Variants in LRRC4C observed in about 807,000 individuals in gnomAD.
LRRC4C encodes leucine-rich repeat-containing protein 4C.
LRRC4C carries 5 observed loss-of-function variants against 33.6 expected under a neutral mutation model. The ratio of observed to expected loss-of-function variants is 0.15; its 90% confidence interval spans 0.08 to 0.31. The LOEUF (loss-of-function observed/expected upper bound fraction) is 0.31, where lower values mean the gene tolerates loss of function less well. Ranked by LOEUF, LRRC4C falls within the 10% of genes least tolerant of loss-of-function variation. The probability of loss-of-function intolerance (pLI) is 1.00; values close to 1 mark genes in which losing one functional copy is unlikely to be tolerated. For synonymous variants in LRRC4C, 329 were observed against 302.0 expected, an observed-to-expected ratio of 1.09 and a Z score of -0.93; for missense variants, 560 against 796.7, an observed-to-expected ratio of 0.70 and a Z score of 3.58.
At chr11:40,731,182 G>C (rs2136784838) in intron 2 of LRRC4C, among the ~76,000 whole-genome samples, 1 of 151,880 alleles carries the variant, frequency 6.6e-6, no homozygotes, top group Middle Eastern at 3.4e-3. Context: ...AGCCGGGCGT[G>C]GTGGCAAGTG....
At chr11:40,427,242 G>A (rs755120373) in intron 3 of LRRC4C, among the ~76,000 whole-genome samples, 2 of 152,094 alleles carry the variant, frequency 1.3e-5, no homozygotes, top group Non-Finnish European at 2.9e-5. Context: ...GGTGGCTCAC[G>A]CCTGTAATCC....
intron 1 of LRRC4C, among the ~76,000 whole-genome samples, chr11:41,031,923 G>T (rs1039423071): frequency 9.2e-5 from 14 of 151,966 alleles, no homozygotes; most frequent in African/African-American, 3.4e-4. Flanking sequence ...GTTGTACTGT[G>T]ATAACTTTGG....
intron 2 of LRRC4C, among the ~76,000 whole-genome samples, chr11:40,733,050 T>TCATCCAAAC (rs1190563778): frequency 6.9e-6 from 1 of 145,770 alleles, no homozygotes; most frequent in Non-Finnish European, 1.5e-5. Context: ...CCAAAACCAG[T>TCATCCAAAC]TATGAATATA....
chr11:40,715,130 G>T (rs917945912), intron 2 of LRRC4C, among the ~76,000 whole-genome samples: 1 of 152,082 alleles, frequency 6.6e-6, no homozygotes, highest in Non-Finnish European at 1.5e-5. Flanking sequence ...ATATCAAAAT[G>T]TAGTGAAAAG....
intron 3 of LRRC4C, among the ~76,000 whole-genome samples, chr11:40,455,270 G>T (rs2138126336): frequency 6.6e-6 from 1 of 152,280 alleles, no homozygotes; most frequent in East Asian, 1.9e-4. Context: ...TACAAAACGA[G>T]GTGCTCACTA....
At chr11:41,382,428 A>C (rs1412397289) in intron 1 of LRRC4C, among the ~76,000 whole-genome samples, 1 of 152,156 alleles carries the variant, frequency 6.6e-6, no homozygotes, top group African/African-American at 2.4e-5. Context: ...TAATATAAAC[A>C]GATTATCACT....
Position 40,336,964 on chromosome 11 carries a change from G to A in LRRC4C, c.-269-17243C>T, listed in dbSNP as rs1180997577. ...TGCACTCCAGCCTGGGGGACAGAGCGAGACTTCGTCTCAAAAAAAAAAAAA... is the reference window on the plus strand; with the variant it reads ...TGCACTCCAGCCTGGGGGACAGAGCAAGACTTCGTCTCAAAAAAAAAAAAA... On this transcript the variant is annotated intron_variant, in intron 3 of 6. Transcript: ENST00000528697. Among the ~76,000 whole-genome samples, 40 of 121,316 alleles carry A rather than the reference G, an allele frequency of 3.3e-4. No homozygotes were observed. The Admixed American group carries it at 3.8e-3, about 11-fold the overall frequency. 79.6% of individuals were successfully genotyped at this position (121,316 alleles called of 152,430 possible).
chr11:41,109,817 C>T lies in LRRC4C; in HGVS notation c.-495-176094G>A, dbSNP rs190744514. ...CTTCTAGACCTAACTCAAAGTAACC[C>T]TTTGATTAATCTCTTTAAGAGCATC... On this transcript the variant is annotated intron_variant, in intron 1 of 6. Coordinates refer to ENST00000528697, the MANE Select transcript of LRRC4C (RefSeq NM_001258419.2). Among the ~76,000 whole-genome samples the T allele has an allele frequency of 3.1e-3, 469 of 152,140 alleles. 3 individuals carry two copies. Among genetic ancestry groups the T allele is most frequent in the South Asian group, 8.7e-3 (42 of 4,826 alleles).
chr11:41,284,729 A>G (rs1411383008), intron 1 of LRRC4C, among the ~76,000 whole-genome samples: 1 of 152,184 alleles, frequency 6.6e-6, no homozygotes, highest in African/African-American at 2.4e-5. Flanking sequence ...AGGGCATGTG[A>G]CTGGATTCCT....
intron 1 of LRRC4C, among the ~76,000 whole-genome samples, chr11:41,021,200 AGAGAGAGAGAGAGAGTGTGT>A (rs1201530944): frequency 1.5e-4 from 5 of 33,084 alleles, no homozygotes; most frequent in African/African-American, 2.9e-4. Flanking sequence ...AGAGAGAGAG[AGAGAGAGAGAGAGAGTGTGT>A]GTGTGTGTGT....
intron 2 of LRRC4C, among the ~76,000 whole-genome samples, chr11:40,807,556 A>G (rs1284112212): frequency 6.6e-6 from 1 of 152,236 alleles, no homozygotes; most frequent in African/African-American, 2.4e-5. Context: ...AGAAGCCTTG[A>G]AGACTGTGCC....
intron 5 of LRRC4C, among the ~76,000 whole-genome samples, chr11:40,142,528 T>C (rs988221550): frequency 3.9e-5 from 6 of 152,154 alleles, no homozygotes; most frequent in African/African-American, 1.4e-4. Flanking sequence ...AATTTTCATA[T>C]TAGGCAAAAA....
chr11:40,306,740 T>G (rs1196256749), intron 4 of LRRC4C, among the ~76,000 whole-genome samples: 1 of 152,194 alleles, frequency 6.6e-6, no homozygotes, highest in Non-Finnish European at 1.5e-5. Flanking sequence ...GCTCCAATGA[T>G]TGCCACGCCC....
At chr11:40,286,931 C>A (rs1943882798) in intron 4 of LRRC4C, among the ~76,000 whole-genome samples, 1 of 152,062 alleles carries the variant, frequency 6.6e-6, no homozygotes, top group African/African-American at 2.4e-5. Flanking sequence ...ACAATTCTGC[C>A]TTTCTCACTG....
intron 5 of LRRC4C, among the ~76,000 whole-genome samples, chr11:40,229,680 C>T (rs1332772927): frequency 2.6e-5 from 4 of 152,154 alleles, no homozygotes; most frequent in African/African-American, 9.7e-5. Context: ...ATTTCTTCTT[C>T]CAATATATTT....
At chr11:41,305,009 C>G (rs1266233041) in intron 1 of LRRC4C, among the ~76,000 whole-genome samples, 1 of 91,024 alleles carries the variant, frequency 1.1e-5, no homozygotes, top group Non-Finnish European at 2.3e-5. Flanking sequence ...GTGAGGAGCC[C>G]CTCTGCCCGG....
intron 2 of LRRC4C, among the ~76,000 whole-genome samples, chr11:40,878,542 C>T (rs1464836034): frequency 6.6e-6 from 1 of 152,122 alleles, no homozygotes; most frequent in Non-Finnish European, 1.5e-5. Flanking sequence ...AATGTCATCG[C>T]TTATCTGACA....
intron 3 of LRRC4C, among the ~76,000 whole-genome samples, chr11:40,354,484 C>T (rs1263530283): frequency 6.6e-6 from 1 of 152,146 alleles, no homozygotes; most frequent in Non-Finnish European, 1.5e-5. Context: ...AGGGCCTGTA[C>T]TCGGGAAACT....
At chr11:40,799,407 T>TA (rs961222615) in intron 2 of LRRC4C, among the ~76,000 whole-genome samples, 9 of 152,190 alleles carry the variant, frequency 5.9e-5, no homozygotes, top group Admixed American at 3.9e-4. Flanking sequence ...GTTTTATGTA[T>TA]AAAAAAACAA....
Sources: gnomAD v4.1 joint callset for allele counts (sites outside exome capture counted in the v4.1 genomes callset) on GRCh38, gnomAD v4.1.1 for gene constraint, MANE v1.5 for transcripts, NCBI Gene and HGNC (gene_info 2026-07-23, HGNC 2026-07-21) for gene names.